Variants in ITGA1 observed in about 807,000 individuals in gnomAD.
ITGA1 encodes integrin alpha-1.
Under a neutral mutation model 145.9 loss-of-function variants are expected in ITGA1, and 85 were observed. The ratio of observed to expected loss-of-function variants is 0.58; its 90% CI spans 0.49 to 0.70. ITGA1 has a LOEUF of 0.70. ITGA1 is among the 30% of genes least tolerant of loss of function. The pLI is 0.00. For missense variants in ITGA1, 1,351 were observed against 1,418.7 expected, an observed-to-expected ratio of 0.95 and a Z score of 0.77; for synonymous variants, 520 against 495.3, an observed-to-expected ratio of 1.05 and a Z score of -0.66.
intron 18 of ITGA1, among the ~76,000 whole-genome samples, chr5:52,924,573 G>A (rs920680908): frequency 6.6e-6 from 1 of 152,332 alleles, no homozygotes; most frequent in South Asian, 2.1e-4. Context: ...AAAGAGCAGT[G>A]CAGTGCTTTT....
intron 14 of ITGA1, among the ~76,000 whole-genome samples, chr5:52,914,575 G>T (rs1750613493): frequency 6.6e-6 from 1 of 150,584 alleles, no homozygotes. Flanking sequence ...AGTGAAGGTT[G>T]CAGTGAGCCG....
chr5:52,800,700 C>G, intron 1 of ITGA1: 3 of 1,614,220 alleles, frequency 1.9e-6, no homozygotes, highest in Non-Finnish European at 2.5e-6. Context: ...ACCACACCAT[C>G]GAGCTGGAGC....
intron 1 of ITGA1, among the ~76,000 whole-genome samples, chr5:52,794,414 C>T (rs1410178867): frequency 6.6e-6 from 1 of 151,240 alleles, no homozygotes; most frequent in African/African-American, 2.4e-5. Context: ...CTGGCCAATC[C>T]TTAAAAATAT....
intron 6 of ITGA1, among the ~76,000 whole-genome samples, chr5:52,870,080 C>T (rs532978366): frequency 2.0e-5 from 3 of 152,296 alleles, no homozygotes; most frequent in East Asian, 1.9e-4. Context: ...TGCTGAAAAG[C>T]ATGCTTATCT....
At chr5:52,857,922 T>C (rs10038615) in intron 2 of ITGA1, among the ~76,000 whole-genome samples, 46,176 of 152,008 alleles carry the variant, frequency 0.3, 7,794 homozygotes, top group African/African-American at 0.45. Context: ...CCCATCTCTA[T>C]ACTTATGCAT....
At position 52,887,966 on chromosome 5, in the gene ITGA1, G is replaced by T. The variant is rs774171798; in HGVS notation, c.924+1G>T. On this transcript the variant is annotated splice_donor_variant, in intron 8 of 28. Coordinates refer to ENST00000282588, the MANE Select transcript of ITGA1 (RefSeq NM_181501.2). LOFTEE classifies it high-confidence loss of function. ...AAACATTCAACGGTTTTCCATAGCT[G>T]TAAGTGTGTTGCCGGAGATATTTTC... 7 of 1,611,200 alleles carry T rather than the reference G, an allele frequency of 4.3e-6. No individual in the cohort carries two copies. The East Asian group carries it at 1.3e-4, about 31-fold the overall frequency.
intron 6 of ITGA1, among the ~76,000 whole-genome samples, chr5:52,872,770 T>C (rs1749798134): frequency 6.6e-6 from 1 of 152,016 alleles, no homozygotes; most frequent in Admixed American, 6.6e-5. Flanking sequence ...TTCCTGTGAT[T>C]CCCTGCTCCA....
At chr5:52,951,920 G>A (rs1458347518) in intron 28 of ITGA1, among the ~76,000 whole-genome samples, 1 of 152,136 alleles carries the variant, frequency 6.6e-6, no homozygotes, top group Non-Finnish European at 1.5e-5. Flanking sequence ...GGCCCGGCGC[G>A]ATGGCTCACG....
chr5:52,827,429 T>A (rs1316592298), intron 1 of ITGA1, among the ~76,000 whole-genome samples: 1 of 152,176 alleles, frequency 6.6e-6, no homozygotes, highest in African/African-American at 2.4e-5. Flanking sequence ...CAACAAAGAA[T>A]TTAGAATATT....
chr5:52,820,336 A>T (rs561546886), intron 1 of ITGA1, among the ~76,000 whole-genome samples: 1 of 121,982 alleles, frequency 8.2e-6, no homozygotes, highest in Admixed American at 1.0e-4. Context: ...GAACACTTGG[A>T]CACAGGAAGG....
intron 6 of ITGA1, among the ~76,000 whole-genome samples, chr5:52,870,457 T>G (rs1466374201): frequency 6.6e-6 from 1 of 152,172 alleles, no homozygotes; most frequent in Non-Finnish European, 1.5e-5. Flanking sequence ...GTTGTAAGAT[T>G]TGTAGAGAGG....
chr5:52,803,278 T>C (rs893096243), intron 1 of ITGA1: 15 of 152,188 alleles, frequency 9.9e-5, no homozygotes, highest in African/African-American at 3.4e-4. Flanking sequence ...TGTACATCTA[T>C]CTCCTAATTC....
chr5:52,911,632 C>CTATATATAGTGTATCTACTATATATACTA (rs1750539420), intron 14 of ITGA1, among the ~76,000 whole-genome samples: 2 of 60,364 alleles, frequency 3.3e-5, no homozygotes, highest in South Asian at 4.0e-4. Flanking sequence ...ACTATATATA[C>CTATATATAGTGTATCTACTATATATACTA]TATATATAGT....
At chr5:52,868,150 A>AGGG (rs1749717611) in intron 6 of ITGA1, among the ~76,000 whole-genome samples, 1 of 152,076 alleles carries the variant, frequency 6.6e-6, no homozygotes, top group African/African-American at 2.4e-5. Context: ...TTCCTTCCAA[A>AGGG]GCTAATAACA....
intron 1 of ITGA1, among the ~76,000 whole-genome samples, chr5:52,810,147 G>A (rs1748663225): frequency 6.6e-6 from 1 of 152,182 alleles, no homozygotes; most frequent in Admixed American, 6.5e-5. Flanking sequence ...TGGTGACAGG[G>A]GAGTTTGAGA....
chr5:52,923,260 T>C (rs1046957285), intron 18 of ITGA1, among the ~76,000 whole-genome samples: 3 of 152,302 alleles, frequency 2.0e-5, no homozygotes, highest in African/African-American at 7.2e-5. Flanking sequence ...GACTTTAGCA[T>C]TATAATGACA....
At position 52,956,651 on chromosome 5, in the gene ITGA1, TA is replaced by T. The variant is rs1185992423; in HGVS notation, c.*4201del. On this transcript the variant is annotated 3_prime_UTR_variant, in exon 29 of 29. Coordinates refer to ENST00000282588, the MANE Select transcript of ITGA1 (RefSeq NM_181501.2). ...ACATTTACAAACTGTTATGGGACAC[TA>T]TCAGCAACTACGCCTGGGGAAGCTA... The T allele has an allele frequency of 2.0e-5, 3 of 152,360 alleles. No individual in the cohort carries two copies. The East Asian group carries it at 5.8e-4, about 29-fold the overall frequency. The allele number at this position is 152,360 out of a possible 1,614,324, so 9.4% of individuals were successfully genotyped here. A position where few individuals can be genotyped will look rare whatever the true frequency, so the allele number is the denominator to read the frequency against.
chr5:52,828,695 GC>G (rs1749007899), intron 1 of ITGA1, among the ~76,000 whole-genome samples: 1 of 152,118 alleles, frequency 6.6e-6, no homozygotes, highest in Non-Finnish European at 1.5e-5. Flanking sequence ...GTTTCCTAGA[GC>G]TACTGTACCA....
intron 1 of ITGA1, among the ~76,000 whole-genome samples, chr5:52,840,167 A>G (rs1749229863): frequency 6.6e-6 from 1 of 152,264 alleles, no homozygotes. Context: ...AAAAGTTATA[A>G]GTAAATGAAT....
Sources: gnomAD v4.1 joint callset for allele counts (sites outside exome capture counted in the v4.1 genomes callset) on GRCh38, gnomAD v4.1.1 for gene constraint, MANE v1.5 for transcripts, NCBI Gene and HGNC (gene_info 2026-07-23, HGNC 2026-07-21) for gene names.